The following TRPC1 variants were observed in gnomAD, a reference collection of about 807,000 sequenced individuals.
TRPC1 encodes transient receptor potential cation channel subfamily C member 1.
TRPC1 carries 42 observed loss-of-function variants against 88.2 expected under a neutral mutation model. That is an observed-to-expected ratio of 0.48 (90% CI 0.37 to 0.62). TRPC1 has a LOEUF of 0.62. Among genes scored for constraint, TRPC1 ranks in the 20% least tolerant of loss-of-function variants. The probability of loss-of-function intolerance (pLI) is 0.00; values close to 1 mark genes in which losing one functional copy is unlikely to be tolerated. For synonymous variants in TRPC1, 288 were observed against 331.8 expected (o/e 0.87, Z 1.43); for missense variants, 699 against 957.3 (o/e 0.73, Z 3.56).
intron 1 of TRPC1, among the ~76,000 whole-genome samples, chr3:142,725,492 G>A (rs1438233275): frequency 6.6e-6 from 1 of 152,178 alleles, no homozygotes; most frequent in Non-Finnish European, 1.5e-5. Context: ...AATATATTTA[G>A]CGCGTTATCC....
chr3:142,735,043 T>G (rs77378866), intron 1 of TRPC1, among the ~76,000 whole-genome samples: 3,704 of 151,742 alleles, frequency 0.024, 65 homozygotes, highest in East Asian at 0.065. Context: ...GAAGTGTCTG[T>G]CTGATAAGGT....
chr3:142,764,191 T>C (rs1483694061), intron 4 of TRPC1, among the ~76,000 whole-genome samples: 1 of 151,848 alleles, frequency 6.6e-6, no homozygotes, highest in African/African-American at 2.4e-5. Context: ...TCAACTGATA[T>C]ATTTTTATAT....
At chr3:142,737,515 T>C (rs1406794553) in intron 2 of TRPC1, among the ~76,000 whole-genome samples, 1 of 152,146 alleles carries the variant, frequency 6.6e-6, no homozygotes, top group East Asian at 1.9e-4. Context: ...CCATGAAGTT[T>C]ACAGATTAAA....
intron 3 of TRPC1, among the ~76,000 whole-genome samples, chr3:142,747,458 C>T (rs1450897216): frequency 1.3e-5 from 2 of 152,152 alleles, no homozygotes; most frequent in African/African-American, 4.8e-5. Flanking sequence ...TTACCACACC[C>T]ATGGACTCCT....
At chr3:142,725,502 C>CT (rs1254287184) in intron 1 of TRPC1, among the ~76,000 whole-genome samples, 1 of 152,084 alleles carries the variant, frequency 6.6e-6, no homozygotes, top group Non-Finnish European at 1.5e-5. Flanking sequence ...GCGCGTTATC[C>CT]TTTTTTTAGT....
At chr3:142,741,682 T>G (rs1934354868) in intron 2 of TRPC1, among the ~76,000 whole-genome samples, 1 of 152,226 alleles carries the variant, frequency 6.6e-6, no homozygotes, top group South Asian at 2.1e-4. Context: ...ATTCATCATT[T>G]ATGGACAATT....
intron 2 of TRPC1, among the ~76,000 whole-genome samples, chr3:142,740,731 C>G (rs1934314376): frequency 6.6e-6 from 1 of 152,082 alleles, no homozygotes; most frequent in Non-Finnish European, 1.5e-5. Flanking sequence ...TGGAAACTGG[C>G]ATCAGTAGAA....
intron 4 of TRPC1, among the ~76,000 whole-genome samples, chr3:142,762,349 T>C (rs954537172): frequency 2.7e-5 from 4 of 149,846 alleles, no homozygotes; most frequent in African/African-American, 9.8e-5. Context: ...TCTGTATTTT[T>C]TTAAATTCCA....
At chr3:142,750,306 ATG>A (rs1934709227) in intron 4 of TRPC1, among the ~76,000 whole-genome samples, 5 of 152,204 alleles carry the variant, frequency 3.3e-5, no homozygotes, top group Admixed American at 3.3e-4. Context: ...CAACAAACAT[ATG>A]AAAAAAAGCT....
Position 142,777,648 on chromosome 3 carries a change from T to C in TRPC1, c.649T>C (p.Tyr217His), listed in dbSNP as rs1208786043. 1.9e-6 allele frequency: 3 copies of C among 1,604,302 alleles called. No individual in the cohort carries two copies. Among genetic ancestry groups the C allele is most frequent in the Non-Finnish European group, 2.6e-6 (3 of 1,174,494 alleles). The part of the protein sequence containing the change: ...LRHSRFRLDI[Y>H]RCLASPALIM... The stretch of plus-strand genomic sequence containing the variant: ...TTATCACAGGTTTCGTCTTGATATA[T>C]ATCGATGTTTGGCCAGTCCAGCTCT... The change falls in exon 5 of 13, where the codon TAT (tyrosine) becomes CAT (histidine). Residue 217 changes from tyrosine (Y) to histidine (H), a missense_variant. Physicochemically the swap from Tyr to His is moderately conservative, Grantham distance 83 (BLOSUM62 2). Around this residue, in one of 4 missense-constraint regions of TRPC1, gnomAD observed 426 missense variants for 641.3 expected, o/e 0.66. Coordinates refer to ENST00000476941, the MANE Select transcript of TRPC1 (RefSeq NM_001251845.2).
chr3:142,724,770 C>A lies in TRPC1; in HGVS notation c.172+39C>A. On this transcript the variant is annotated intron_variant, in intron 1 of 12. Coordinates refer to ENST00000476941, the MANE Select transcript of TRPC1 (RefSeq NM_001251845.2). The surrounding 1 kb of genome is among the most constrained non-coding windows in gnomAD (Gnocchi z 5.6). The stretch of plus-strand genomic sequence containing the variant: ...CCCTTTCTCCTCTGGACGCCCCTGT[C>A]CTCCAGACCTTTAGTCCTCTCCCCC... 6.6e-7 allele frequency: 1 copy of A among 1,506,098 alleles called. No homozygotes were observed. Among genetic ancestry groups the A allele is most frequent in the Non-Finnish European group, 8.9e-7 (1 of 1,119,680 alleles). The allele number at this position is 1,506,098 out of a possible 1,614,324, so 93.3% of individuals were successfully genotyped here.
At chr3:142,741,223 C>G (rs1187752501) in intron 2 of TRPC1, among the ~76,000 whole-genome samples, 2 of 127,938 alleles carry the variant, frequency 1.6e-5, no homozygotes, top group Non-Finnish European at 1.7e-5. Flanking sequence ...ATTTATTTCT[C>G]TCATAACTGC....
At chr3:142,756,729 T>C (rs1047749164) in intron 4 of TRPC1, among the ~76,000 whole-genome samples, 1 of 152,198 alleles carries the variant, frequency 6.6e-6, no homozygotes, top group Non-Finnish European at 1.5e-5. Context: ...TTCTTAGTCA[T>C]TTTAGCAGGA....
At chr3:142,755,454 G>A (rs1350633877) in intron 4 of TRPC1, among the ~76,000 whole-genome samples, 2 of 152,070 alleles carry the variant, frequency 1.3e-5, no homozygotes, top group East Asian at 1.9e-4. Context: ...GTGGCTCTTC[G>A]CTACAGTGTT....
intron 12 of TRPC1, among the ~76,000 whole-genome samples, chr3:142,804,981 G>A (rs963768263): frequency 1.1e-4 from 16 of 152,052 alleles, no homozygotes; most frequent in African/African-American, 3.9e-4. Context: ...CATGCCTGTA[G>A]TCCCAGCTAC....
intron 3 of TRPC1, among the ~76,000 whole-genome samples, chr3:142,745,045 T>G (rs1217737680): frequency 2.0e-5 from 3 of 152,188 alleles, no homozygotes; most frequent in Admixed American, 1.3e-4. Flanking sequence ...AAAATCTTAC[T>G]CATTCAGACT....
intron 6 of TRPC1, 109 bp from the exon 7 acceptor site, chr3:142,784,595 G>T (rs1271543904): frequency 3.5e-6 from 3 of 865,688 alleles, no homozygotes; most frequent in Admixed American, 2.9e-5. Flanking sequence ...TGAATGTATA[G>T]AATTGATTTT....
intron 3 of TRPC1, among the ~76,000 whole-genome samples, chr3:142,747,804 A>G (rs1390818823): frequency 6.6e-6 from 1 of 152,216 alleles, no homozygotes; most frequent in Non-Finnish European, 1.5e-5. Flanking sequence ...ATTGCTGTCA[A>G]TGTGATAAGG....
At chr3:142,769,750 T>A (rs1935514211) in intron 4 of TRPC1, among the ~76,000 whole-genome samples, 1 of 152,208 alleles carries the variant, frequency 6.6e-6, no homozygotes, top group Non-Finnish European at 1.5e-5. Flanking sequence ...TTCGTGTTAT[T>A]TCTGTCCTTT....
Sources: allele counts gnomAD v4.1 joint callset (sites outside exome capture counted in the v4.1 genomes callset), GRCh38; gene constraint gnomAD v4.1.1; regional missense constraint gnomAD v4.1.1; non-coding constraint Gnocchi (gnomAD v3.1); transcripts MANE v1.5; gene names NCBI Gene and HGNC (gene_info 2026-07-23, HGNC 2026-07-21).